TENM1: variants seen among roughly 807,000 people sequenced by gnomAD.
TENM1 encodes teneurin-1.
Under a neutral mutation model 174.8 loss-of-function variants are expected in TENM1, and 35 were observed. The ratio of observed to expected loss-of-function variants is 0.20; its 90% CI spans 0.15 to 0.27. The LOEUF is 0.27. Among genes scored for constraint, TENM1 ranks in the 10% least tolerant of loss-of-function variants. The pLI is 1.00. For synonymous variants in TENM1, 781 were observed against 798.7 expected (o/e 0.98, Z 0.37); for missense variants, 1,633 against 2,130.1 (o/e 0.77, Z 4.59).
chrX:124,986,096 C>T, the TENM1 span, among the ~76,000 whole-genome samples: 1 of 111,436 alleles, frequency 9.0e-6, no homozygotes, highest in Non-Finnish European at 1.9e-5. Flanking sequence ...TAGGTCTATT[C>T]GAAATCAGAA....
chrX:124,683,042 T>C (rs1313073058), intron 5 of TENM1, among the ~76,000 whole-genome samples: 1 of 111,651 alleles, frequency 9.0e-6, no homozygotes, highest in Non-Finnish European at 1.9e-5. Context: ...CTTTGTACTA[T>C]CTAAAAAAAT....
At chrX:124,460,621 T>G in intron 22 of TENM1, among the ~76,000 whole-genome samples, 1 of 109,204 alleles carries the variant, frequency 9.2e-6, no homozygotes, top group Non-Finnish European at 1.9e-5. Context: ...AAAAAACAAC[T>G]AATGGATACT....
At chrX:124,574,963 A>G (rs1482962482) in intron 11 of TENM1, among the ~76,000 whole-genome samples, 3 of 112,182 alleles carry the variant, frequency 2.7e-5, no homozygotes, top group Non-Finnish European at 5.7e-5. Flanking sequence ...TCTCAGTAGT[A>G]AATATTCTAC....
At chrX:125,139,283 G>C in the TENM1 span, among the ~76,000 whole-genome samples, 2 of 111,366 alleles carry the variant, frequency 1.8e-5, no homozygotes, top group Non-Finnish European at 3.8e-5. Flanking sequence ...GAAGTTTGCT[G>C]TAGATAGAGT....
intron 3 of TENM1, among the ~76,000 whole-genome samples, chrX:124,802,262 C>A (rs992332245): frequency 9.0e-6 from 1 of 111,682 alleles, no homozygotes; most frequent in Non-Finnish European, 1.9e-5. Context: ...TAGTATCCAT[C>A]TTTGAGGCTG....
chrX:124,569,309 CAG>C (rs201628189), intron 11 of TENM1, among the ~76,000 whole-genome samples: 3,810 of 111,644 alleles, frequency 0.034, 90 homozygotes, highest in Non-Finnish European at 0.055. Context: ...CAATCATAGT[CAG>C]AGACTTTACA....
At chrX:124,630,931 C>A (rs1477310632) in intron 11 of TENM1, among the ~76,000 whole-genome samples, 1 of 112,001 alleles carries the variant, frequency 8.9e-6, no homozygotes, top group Non-Finnish European at 1.9e-5. Flanking sequence ...AGAATTGCAA[C>A]ATGATATTTT....
chrX:124,847,286 C>T (rs1166832005), intron 3 of TENM1, among the ~76,000 whole-genome samples: 2 of 111,621 alleles, frequency 1.8e-5, no homozygotes, highest in African/African-American at 6.5e-5. Context: ...GAAATTATAA[C>T]ATATTTGAAA....
chrX:124,743,440 GACA>G (rs2053846368), intron 3 of TENM1, among the ~76,000 whole-genome samples: 3 of 112,055 alleles, frequency 2.7e-5, no homozygotes, highest in Admixed American at 1.9e-4. Context: ...GTGACGCACA[GACA>G]ACAACAGAAA....
chrX:124,662,270 T>C (rs1026767211), intron 6 of TENM1, among the ~76,000 whole-genome samples: 1 of 109,119 alleles, frequency 9.2e-6, no homozygotes, highest in Admixed American at 9.9e-5. Flanking sequence ...CTGGCCAATA[T>C]GGTGAAACCC....
At chrX:124,755,502 T>C in intron 3 of TENM1, among the ~76,000 whole-genome samples, 1 of 110,936 alleles carries the variant, frequency 9.0e-6, no homozygotes, top group Admixed American at 9.6e-5. Context: ...AAAGTTAATA[T>C]TGTTATGTGT....
chrX:124,663,957 T>C (rs1405644146), intron 6 of TENM1, among the ~76,000 whole-genome samples: 1 of 111,448 alleles, frequency 9.0e-6, no homozygotes, highest in Non-Finnish European at 1.9e-5. Flanking sequence ...CTGAAGTATA[T>C]TGATAAAGTG....
At chrX:124,826,927 T>TA (rs781298583) in intron 3 of TENM1, among the ~76,000 whole-genome samples, 221 of 110,899 alleles carry the variant, frequency 2.0e-3, no homozygotes, top group Non-Finnish European at 2.1e-3. Flanking sequence ...TACTGGTGTT[T>TA]AAAAAAAAAT....
At chrX:125,147,839 T>A in the TENM1 span, among the ~76,000 whole-genome samples, 1 of 111,686 alleles carries the variant, frequency 9.0e-6, no homozygotes, top group African/African-American at 3.3e-5. Flanking sequence ...TTTATAAATG[T>A]TTTTTACACA....
At chrX:124,850,734 C>G (rs180728124) in intron 3 of TENM1, among the ~76,000 whole-genome samples, 6 of 110,558 alleles carry the variant, frequency 5.4e-5, no homozygotes, top group Middle Eastern at 4.6e-3. Context: ...GGGCAAACCA[C>G]TAATCTCAGC....
chrX:124,822,675 A>G (rs2056066277), intron 3 of TENM1, among the ~76,000 whole-genome samples: 1 of 111,696 alleles, frequency 9.0e-6, no homozygotes, highest in Non-Finnish European at 1.9e-5. Flanking sequence ...TTCATATCTT[A>G]TTCTCCTGTG....
Position 124,856,811 on chromosome X carries a change from C to T in TENM1, c.535+37485G>A, listed in dbSNP as rs903868219. Among the ~76,000 whole-genome samples the T allele has an allele frequency of 9.9e-5, 11 of 110,743 alleles. No homozygotes were observed. In the East Asian group the frequency reaches 3.1e-3, roughly 31 times the overall value. On this transcript the variant is annotated intron_variant, in intron 3 of 31. Coordinates refer to ENST00000422452, the Ensembl canonical transcript of TENM1. ...AAGTTTACAAAATTTCAGATAGTGACGTGGTAGTGGGTTGTGAAATCAATG... is the reference window on the plus strand; with the variant it reads ...AAGTTTACAAAATTTCAGATAGTGATGTGGTAGTGGGTTGTGAAATCAATG...
chrX:125,149,275 T>A, the TENM1 span, among the ~76,000 whole-genome samples: 2 of 112,373 alleles, frequency 1.8e-5, no homozygotes, highest in Non-Finnish European at 3.8e-5. Flanking sequence ...CTCCATTTTT[T>A]AAGACCAGCT....
chrX:125,012,647 C>A, the TENM1 span, among the ~76,000 whole-genome samples: 5 of 111,333 alleles, frequency 4.5e-5, no homozygotes, highest in Admixed American at 4.8e-4. Context: ...CTTAGATATT[C>A]ATAGGATAGC....
Sources: allele counts gnomAD v4.1 joint callset (sites outside exome capture counted in the v4.1 genomes callset), GRCh38; gene constraint gnomAD v4.1.1; transcripts MANE v1.5; gene names NCBI Gene and HGNC (gene_info 2026-07-23, HGNC 2026-07-21).